FHIT: variants seen among roughly 807,000 people sequenced by gnomAD.
The protein encoded by FHIT is fragile histidine triad diadenosine triphosphatase.
A neutral mutation model predicts 17.9 loss-of-function variants in FHIT; 19 were observed. That is an observed-to-expected ratio of 1.06 (90% CI 0.74 to 1.56). FHIT has a LOEUF of 1.56. FHIT is among the 40% of genes most tolerant of loss of function. The pLI is 0.00. For missense variants in FHIT, 248 were observed against 189.2 expected, an observed-to-expected ratio of 1.31 and a Z score of -1.82; for synonymous variants, 81 against 69.7, an observed-to-expected ratio of 1.16 and a Z score of -0.81.
chr3:60,443,800 A>G (rs919189676), intron 5 of FHIT, among the ~76,000 whole-genome samples: 1 of 152,072 alleles, frequency 6.6e-6, no homozygotes, highest in Admixed American at 6.6e-5. Flanking sequence ...TTCATGTCTA[A>G]AACACCAAAA....
chr3:60,800,001 A>C (rs1222462455), intron 4 of FHIT, among the ~76,000 whole-genome samples: 4 of 152,230 alleles, frequency 2.6e-5, no homozygotes, highest in African/African-American at 7.2e-5. Context: ...TTTGTTGAAC[A>C]AATAAATATG....
chr3:60,799,468 C>G (rs1355182307), intron 4 of FHIT, among the ~76,000 whole-genome samples: 1 of 151,630 alleles, frequency 6.6e-6, no homozygotes, highest in Non-Finnish European at 1.5e-5. Flanking sequence ...GCCACTGCGC[C>G]TGGCCCAAAG....
At chr3:61,014,807 A>AAAAAAAAAAAATT (rs1553798839) in intron 3 of FHIT, among the ~76,000 whole-genome samples, 2 of 49,102 alleles carry the variant, frequency 4.1e-5, no homozygotes, top group African/African-American at 1.1e-4. Flanking sequence ...AAAAAAAAAA[A>AAAAAAAAAAAATT]ATATATATAT....
At chr3:60,992,587 C>A (rs926146703) in intron 3 of FHIT, among the ~76,000 whole-genome samples, 3 of 152,140 alleles carry the variant, frequency 2.0e-5, no homozygotes, top group Admixed American at 1.3e-4. Context: ...GGCAAAGAAC[C>A]GCAGGGCAGG....
At chr3:60,800,763 T>C (rs1241251878) in intron 4 of FHIT, among the ~76,000 whole-genome samples, 1 of 152,198 alleles carries the variant, frequency 6.6e-6, no homozygotes, top group Non-Finnish European at 1.5e-5. Flanking sequence ...ACCCAGAGTA[T>C]GGACAAGAGT....
In FHIT at chr3:60,033,890, A is replaced by T. The variant is rs80270897; in HGVS notation, c.104-19738T>A. ...CATCAACATTATCATTTATGTTCTC[A>T]AAAGTCAAAACTAAGATCAATCAGT... is the stretch of plus-strand genomic sequence containing the variant. On this transcript the variant is annotated intron_variant, in intron 5 of 9. Transcript: ENST00000492590. Among the ~76,000 whole-genome samples, 444 of 152,350 alleles carry T rather than the reference A, an allele frequency of 2.9e-3. 2 individuals carry two copies. The highest frequency in any genetic ancestry group is 6.0e-3 in the South Asian group (29 of 4,824).
chr3:60,278,337 G>A (rs888328612), intron 5 of FHIT, among the ~76,000 whole-genome samples: 8 of 152,152 alleles, frequency 5.3e-5, no homozygotes, highest in African/African-American at 1.9e-4. Flanking sequence ...TTTTACCAGA[G>A]TTCTATCTGA....
chr3:59,986,481 A>T (rs1708907073), intron 7 of FHIT, among the ~76,000 whole-genome samples: 2 of 135,236 alleles, frequency 1.5e-5, no homozygotes, highest in Non-Finnish European at 3.0e-5. Flanking sequence ...GGCTCTGGGT[A>T]TGAGAAAGTA....
At chr3:59,880,892 T>A (rs1209024579) in intron 8 of FHIT, among the ~76,000 whole-genome samples, 1 of 152,148 alleles carries the variant, frequency 6.6e-6, no homozygotes, top group African/African-American at 2.4e-5. Context: ...TCAGACTACA[T>A]GGAATGAATG....
chr3:60,622,935 G>A (rs1409565466), intron 4 of FHIT, among the ~76,000 whole-genome samples: 7 of 152,168 alleles, frequency 4.6e-5, no homozygotes, highest in African/African-American at 1.4e-4. Flanking sequence ...CCAACATTCA[G>A]ATAATTCAGA....
intron 8 of FHIT, among the ~76,000 whole-genome samples, chr3:59,797,200 T>C (rs549674866): frequency 6.6e-6 from 1 of 152,166 alleles, no homozygotes; most frequent in Non-Finnish European, 1.5e-5. Flanking sequence ...TTTTTTTTTT[T>C]TTTTGAGACA....
At chr3:61,005,549 A>G (rs1424285915) in intron 3 of FHIT, among the ~76,000 whole-genome samples, 1 of 152,152 alleles carries the variant, frequency 6.6e-6, no homozygotes, top group African/African-American at 2.4e-5. Flanking sequence ...AACTTCTGCA[A>G]CAGACACGAA....
chr3:60,533,979 G>A (rs2035883419), intron 5 of FHIT, among the ~76,000 whole-genome samples: 1 of 152,092 alleles, frequency 6.6e-6, no homozygotes, highest in Non-Finnish European at 1.5e-5. Flanking sequence ...ACTAGGGCAG[G>A]CAGGAGAGAA....
intron 5 of FHIT, among the ~76,000 whole-genome samples, chr3:60,408,274 G>C (rs927762009): frequency 6.6e-6 from 1 of 152,152 alleles, no homozygotes; most frequent in Non-Finnish European, 1.5e-5. Flanking sequence ...GATGCAAATT[G>C]AGGGTAAACT....
chr3:61,009,250 A>G (rs2031651951), intron 3 of FHIT, among the ~76,000 whole-genome samples: 1 of 152,216 alleles, frequency 6.6e-6, no homozygotes, highest in Admixed American at 6.5e-5. Context: ...GGGTGCAGGC[A>G]TGAGCTTCAC....
intron 4 of FHIT, among the ~76,000 whole-genome samples, chr3:60,637,757 A>T (rs1577011092): frequency 6.6e-6 from 1 of 152,220 alleles, no homozygotes; most frequent in East Asian, 1.9e-4. Flanking sequence ...AGTCTTGTCA[A>T]GTAAATTGGG....
At chr3:60,277,650 C>T (rs140108321) in intron 5 of FHIT, among the ~76,000 whole-genome samples, 82 of 152,280 alleles carry the variant, frequency 5.4e-4, no homozygotes, top group African/African-American at 1.9e-3. Context: ...CTATGTAAAT[C>T]AGACACCGCC....
chr3:60,672,874 CGT>C (rs71629109), intron 4 of FHIT, among the ~76,000 whole-genome samples: 255 of 139,552 alleles, frequency 1.8e-3, no homozygotes, highest in South Asian at 0.017. Context: ...CTCTTTGTAG[CGT>C]GTGTGTGTGT....
At chr3:60,031,785 G>A (rs534879982) in intron 5 of FHIT, among the ~76,000 whole-genome samples, 14 of 152,246 alleles carry the variant, frequency 9.2e-5, no homozygotes, top group African/African-American at 3.1e-4. Context: ...AGCAGAGGGT[G>A]CATGGATAAA....
Sources: allele counts gnomAD v4.1 joint callset (sites outside exome capture counted in the v4.1 genomes callset), GRCh38; gene constraint gnomAD v4.1.1; transcripts MANE v1.5; gene names NCBI Gene and HGNC (gene_info 2026-07-23, HGNC 2026-07-21).